The following DHRSX variants were observed in gnomAD, a reference collection of about 807,000 sequenced individuals.
DHRSX encodes dehydrogenase/reductase X-linked, also known as polyprenol dehydrogenase.
DHRSX carries 31 observed loss-of-function variants against 34.0 expected under a neutral mutation model. The observed-to-expected ratio is 0.91, with a 90% CI of 0.69 to 1.23. The LOEUF (loss-of-function observed/expected upper bound fraction) is 1.23. DHRSX is among the 50% of genes most tolerant of loss of function. The pLI is 0.00. For missense variants in DHRSX, 414 were observed against 428.1 expected (o/e 0.97, Z 0.29); for synonymous variants, 201 against 183.8 (o/e 1.09, Z -0.76).
intron 3 of DHRSX, among the ~76,000 whole-genome samples, chrX:2,364,209 G>C (rs538541180): frequency 6.6e-6 from 1 of 152,128 alleles, no homozygotes; most frequent in Non-Finnish European, 1.5e-5. Flanking sequence ...TACATCAGTG[G>C]TTTTCCATTG....
chrX:2,499,799 G>A (rs1250991444), intron 1 of DHRSX, among the ~76,000 whole-genome samples: 1 of 152,070 alleles, frequency 6.6e-6, no homozygotes, highest in Admixed American at 6.6e-5. Flanking sequence ...AATCCCAACA[G>A]TTTGGGAGGC....
intron 1 of DHRSX, among the ~76,000 whole-genome samples, chrX:2,496,191 TG>T (rs1358972612): frequency 1.3e-5 from 2 of 152,034 alleles, no homozygotes; most frequent in Non-Finnish European, 2.9e-5. Flanking sequence ...TTTTTGTTTT[TG>T]TTTTTTTGTT....
chrX:2,231,852 CTCT>C (rs1487162232), intron 6 of DHRSX, among the ~76,000 whole-genome samples: 3 of 147,940 alleles, frequency 2.0e-5, no homozygotes, highest in Admixed American at 6.8e-5. Context: ...CATTTTCTCC[CTCT>C]TCTTCCTCCT....
chrX:2,300,272 A>G (rs1327366780), intron 3 of DHRSX, among the ~76,000 whole-genome samples: 5 of 152,142 alleles, frequency 3.3e-5, no homozygotes, highest in African/African-American at 1.2e-4. Flanking sequence ...CAGAACCCTT[A>G]AACTCCAATG....
At chrX:2,336,825 C>T (rs2042572427) in intron 3 of DHRSX, among the ~76,000 whole-genome samples, 1 of 136,474 alleles carries the variant, frequency 7.3e-6, no homozygotes, top group Non-Finnish European at 1.6e-5. Flanking sequence ...TTTATTACAG[C>T]AGCCCTAAGA....
intron 1 of DHRSX, among the ~76,000 whole-genome samples, chrX:2,469,190 G>A (rs924721078): frequency 7.9e-5 from 12 of 151,828 alleles, no homozygotes; most frequent in African/African-American, 2.7e-4. Flanking sequence ...ATGCAGCCAA[G>A]GGACGGCACT....
At chrX:2,475,001 T>G (rs2044655207) in intron 1 of DHRSX, among the ~76,000 whole-genome samples, 1 of 151,016 alleles carries the variant, frequency 6.6e-6, no homozygotes, top group Non-Finnish European at 1.5e-5. Context: ...ACTGAAGATG[T>G]TCCCTAAGCA....
At chrX:2,351,583 C>T (rs949888129) in intron 3 of DHRSX, among the ~76,000 whole-genome samples, 1 of 152,154 alleles carries the variant, frequency 6.6e-6, no homozygotes, top group South Asian at 2.1e-4. Context: ...ATGGGGAGGG[C>T]CATGCTATGC....
At chrX:2,234,858 G>A (rs2015977660) in intron 6 of DHRSX, among the ~76,000 whole-genome samples, 1 of 152,122 alleles carries the variant, frequency 6.6e-6, no homozygotes, top group Non-Finnish European at 1.5e-5. Context: ...CTACAGGCGT[G>A]TGCCACCATG....
At chrX:2,439,741 A>G (rs1216926867) in intron 1 of DHRSX, among the ~76,000 whole-genome samples, 3 of 152,088 alleles carry the variant, frequency 2.0e-5, no homozygotes, top group African/African-American at 7.2e-5. Flanking sequence ...GGTCCCTCAC[A>G]TGTTCAGTTC....
chrX:2,372,754 A>G (rs1195081039), intron 3 of DHRSX, among the ~76,000 whole-genome samples: 1 of 151,560 alleles, frequency 6.6e-6, no homozygotes, highest in Admixed American at 6.6e-5. Flanking sequence ...GATTACAGGC[A>G]CCCGCCACCC....
intron 3 of DHRSX, among the ~76,000 whole-genome samples, chrX:2,329,486 T>C (rs912807875): frequency 3.9e-5 from 6 of 152,142 alleles, no homozygotes; most frequent in African/African-American, 1.2e-4. Context: ...AAAGCAATGA[T>C]AGAAGAGGTC....
At chrX:2,407,263 C>T (rs2043567930) in intron 3 of DHRSX, among the ~76,000 whole-genome samples, 1 of 152,184 alleles carries the variant, frequency 6.6e-6, no homozygotes, top group Admixed American at 6.5e-5. Flanking sequence ...CACTCAGACA[C>T]AGATTTCCAG....
At chrX:2,262,786 C>A (rs2041381712) in intron 5 of DHRSX, among the ~76,000 whole-genome samples, 1 of 152,228 alleles carries the variant, frequency 6.6e-6, no homozygotes. Flanking sequence ...GCAGGGTTCA[C>A]ACTTCATGCA....
intron 1 of DHRSX, among the ~76,000 whole-genome samples, chrX:2,476,879 G>C (rs139293901): frequency 0.011 from 1,613 of 152,138 alleles, 14 homozygotes; most frequent in Middle Eastern, 0.048. Flanking sequence ...GTGCATGCCT[G>C]TAATCCCAGC....
At chrX:2,299,014 A>AAAAAAAAAAAT (rs1191716751) in intron 3 of DHRSX, among the ~76,000 whole-genome samples, 3 of 131,548 alleles carry the variant, frequency 2.3e-5, no homozygotes, top group African/African-American at 6.2e-5. Flanking sequence ...AAAAAAAAAA[A>AAAAAAAAAAAT]TGGGAAAAAT....
At chrX:2,234,151 T>TCTCCCTCCCTGC (rs1361240295) in intron 6 of DHRSX, among the ~76,000 whole-genome samples, 1 of 151,268 alleles carries the variant, frequency 6.6e-6, no homozygotes, top group Non-Finnish European at 1.5e-5. Context: ...GCATTCAATA[T>TCTCCCTCCCTGC]CTCCCTCCCT....
chrX:2,325,682 C>G (rs2042377578), intron 3 of DHRSX, among the ~76,000 whole-genome samples: 1 of 152,112 alleles, frequency 6.6e-6, no homozygotes, highest in South Asian at 2.1e-4. Flanking sequence ...GGTGGGCAAC[C>G]AGCCTTTCCT....
chrX:2,483,998 G>C (rs1216804851), intron 1 of DHRSX, among the ~76,000 whole-genome samples: 1 of 152,122 alleles, frequency 6.6e-6, no homozygotes, highest in Admixed American at 6.6e-5. Context: ...TGGAATACAC[G>C]GAGTCTCGCT....
Sources: allele counts gnomAD v4.1 joint callset (sites outside exome capture counted in the v4.1 genomes callset), GRCh38; gene constraint gnomAD v4.1.1; transcripts MANE v1.5; gene names NCBI Gene and HGNC (gene_info 2026-07-23, HGNC 2026-07-21).